NAF1: variants seen among roughly 807,000 people sequenced by gnomAD.
NAF1 encodes the protein nuclear assembly factor 1 ribonucleoprotein.
NAF1 carries 11 observed loss-of-function variants against 40.6 expected under a neutral mutation model. The observed-to-expected ratio is 0.27, with a 90% CI of 0.17 to 0.45. The LOEUF (loss-of-function observed/expected upper bound fraction) is 0.45. NAF1 is among the 20% of genes least tolerant of loss of function. The pLI is 1.00. For synonymous variants in NAF1, 260 were observed against 228.5 expected (o/e 1.14, Z -1.24); for missense variants, 607 against 611.1 (o/e 0.99, Z 0.07).
At chr4:163,152,578 G>T (rs970472089) in intron 2 of NAF1, among the ~76,000 whole-genome samples, 1 of 152,216 alleles carries the variant, frequency 6.6e-6, no homozygotes, top group African/African-American at 2.4e-5. Flanking sequence ...CTGATTTTGC[G>T]TAGAACCAAA....
intron 5 of NAF1, 132 bp downstream of exon 5, chr4:163,140,091 T>C (rs906616297): frequency 2.2e-5 from 14 of 649,578 alleles, no homozygotes; most frequent in Non-Finnish European, 3.4e-5. Flanking sequence ...GCTTCAAAGA[T>C]ATTATTAGGA....
intron 2 of NAF1, among the ~76,000 whole-genome samples, chr4:163,155,518 A>G (rs1731951906): frequency 6.6e-6 from 1 of 152,212 alleles, no homozygotes; most frequent in African/African-American, 2.4e-5. Context: ...TCCTCAAAGA[A>G]TGAAAAAGAC....
At chr4:163,165,659 A>C (rs1732422589) in intron 1 of NAF1, among the ~76,000 whole-genome samples, 1 of 152,144 alleles carries the variant, frequency 6.6e-6, no homozygotes, top group South Asian at 2.1e-4. Flanking sequence ...TAACCTGTTC[A>C]GTACCCCACT....
Position 163,166,703 on chromosome 4 carries a change from C to T in NAF1, c.25G>A (p.Ala9Thr). The change falls in exon 1 of 8, where the codon GCT becomes ACT. Residue 9 changes from alanine to threonine, a missense_variant. By Grantham distance (58) the Ala-to-Thr change is moderately conservative. Transcript: ENST00000274054. ...TTGAATTTCAGAGTTTCCAGCTGAG[C>T]GGCGGCGGCCTCCACTACCTCCATC... MEVVEAAA[A>T]QLETLKFNGT... 6.2e-7 allele frequency: 1 copy of T among 1,613,168 alleles called. No homozygotes were observed. The highest frequency in any genetic ancestry group is 8.5e-7 in the Non-Finnish European group (1 of 1,179,938).
At chr4:163,104,613 A>G in the NAF1 span, among the ~76,000 whole-genome samples, 1 of 152,176 alleles carries the variant, frequency 6.6e-6, no homozygotes, top group Non-Finnish European at 1.5e-5. Context: ...TCAAGAATAG[A>G]TATTTATATT....
intron 4 of NAF1, 75 bp downstream of exon 4, chr4:163,145,707 A>C: frequency 1.1e-6 from 1 of 946,930 alleles, no homozygotes; most frequent in South Asian, 1.6e-5. Context: ...AACTCTTCTG[A>C]GAACTGATGG....
chr4:163,124,764 T>C (rs1034210921), downstream of NAF1, among the ~76,000 whole-genome samples: 2 of 152,216 alleles, frequency 1.3e-5, no homozygotes, highest in Admixed American at 6.5e-5. Flanking sequence ...GATGTTTCTG[T>C]AGATAGTAAA....
At chr4:163,106,255 G>T (rs2110778754), downstream of NAF1, among the ~76,000 whole-genome samples, 1 of 152,170 alleles carries the variant, frequency 6.6e-6, no homozygotes, top group African/African-American at 2.4e-5. Flanking sequence ...TCAAACTAAG[G>T]AATTTGATTT....
chr4:163,107,347 C>G (rs1020192852), downstream of NAF1, among the ~76,000 whole-genome samples: 5 of 152,194 alleles, frequency 3.3e-5, no homozygotes, highest in African/African-American at 1.2e-4. Context: ...GGCCCAAAAG[C>G]AAGTCTCTAT....
rs924524449 is a variant in NAF1, at chr4:163,147,199, A to G, written c.634+1142T>C. ...TTTTATTAATAAACTGAAAAAGTAC[A>G]AAATTATGTAAGTGTTAATTTTTAA... On this transcript the variant is annotated intron_variant, in intron 3 of 7. Transcript: ENST00000274054. Among the ~76,000 whole-genome samples, 4 of 152,240 alleles carry G rather than the reference A, an allele frequency of 2.6e-5. No individual in the cohort carries two copies. The East Asian group carries it at 7.7e-4, about 29-fold the overall frequency.
intron 2 of NAF1, among the ~76,000 whole-genome samples, chr4:163,113,165 G>A (rs1412558541): frequency 6.6e-6 from 1 of 152,122 alleles, no homozygotes; most frequent in African/African-American, 2.4e-5. Context: ...AATCCTTTTG[G>A]TTTTGAGAAA....
chr4:163,133,374 CTTTT>C (rs1019137860), intron 6 of NAF1, 118 bp from the exon 7 acceptor site: 17 of 636,022 alleles, frequency 2.7e-5, no homozygotes, highest in Non-Finnish European at 3.7e-5. Flanking sequence ...AAAAAGTTGT[CTTTT>C]TGATACTTAA....
At chr4:163,122,338 T>G (rs1730540081), downstream of NAF1, among the ~76,000 whole-genome samples, 1 of 152,122 alleles carries the variant, frequency 6.6e-6, no homozygotes, top group African/African-American at 2.4e-5. Context: ...CAACAAAAAA[T>G]GCAGAACAAA....
intron 2 of NAF1, among the ~76,000 whole-genome samples, chr4:163,116,455 C>A (rs1379643775): frequency 3.3e-5 from 5 of 152,078 alleles, no homozygotes. Context: ...TAAATATATG[C>A]AGTTAGTTTC....
chr4:163,134,792 A>T (rs887983266), intron 6 of NAF1, among the ~76,000 whole-genome samples: 3 of 152,244 alleles, frequency 2.0e-5, no homozygotes, highest in African/African-American at 7.2e-5. Flanking sequence ...AGGCAAAGTG[A>T]AAGCTGCTGC....
intron 2 of NAF1, among the ~76,000 whole-genome samples, chr4:163,152,121 G>A (rs1019876531): frequency 6.6e-6 from 1 of 152,128 alleles, no homozygotes; most frequent in Non-Finnish European, 1.5e-5. Context: ...AAACAATTGT[G>A]ATGACAGTGG....
At chr4:163,153,206 G>C (rs919395259) in intron 2 of NAF1, among the ~76,000 whole-genome samples, 2 of 152,188 alleles carry the variant, frequency 1.3e-5, no homozygotes, top group Non-Finnish European at 2.9e-5. Flanking sequence ...GAGTCCCATC[G>C]ACCACCCAAG....
intron 2 of NAF1, among the ~76,000 whole-genome samples, chr4:163,149,130 G>C (rs1313520197): frequency 6.6e-6 from 1 of 152,150 alleles, no homozygotes; most frequent in Non-Finnish European, 1.5e-5. Flanking sequence ...ATGGAAACTA[G>C]ATATTGAAGT....
intron 7 of NAF1, 132 bp downstream of exon 7, chr4:163,133,022 G>A (rs1730927679): frequency 1.4e-6 from 1 of 696,732 alleles, no homozygotes; most frequent in African/African-American, 1.8e-5. Context: ...GCTATGTAAT[G>A]GCTCTAAATG....
Sources: gnomAD v4.1 joint callset for allele counts (sites outside exome capture counted in the v4.1 genomes callset) on GRCh38, gnomAD v4.1.1 for gene constraint, MANE v1.5 for transcripts, NCBI Gene and HGNC (gene_info 2026-07-23, HGNC 2026-07-21) for gene names.